The following ANKRD12 variants were observed in gnomAD, a reference collection of about 807,000 sequenced individuals.
The protein encoded by ANKRD12 is ankyrin repeat domain 12.
In ANKRD12, 85 loss-of-function variants were observed where a neutral mutation model predicts 183.4. That is an observed-to-expected ratio of 0.46 (90% CI 0.39 to 0.56). The LOEUF is 0.56. Ranked by LOEUF, ANKRD12 falls within the 20% of genes least tolerant of loss-of-function variation. ANKRD12 has a pLI of 0.00. For missense variants in ANKRD12, 2,405 were observed against 2,357.1 expected (o/e 1.02, Z -0.42); for synonymous variants, 914 against 800.2 (o/e 1.14, Z -2.40).
rs923575686 is a variant in ANKRD12, at chr18:9,165,466, G to A, written c.-51-16916G>A. ...CACTGTTCTTCATCAGAATGTTTTC[G>A]TCATCCCAAGCTGAAACTTCATACC... On this transcript the variant is annotated intron_variant, in intron 1 of 12. Coordinates refer to ENST00000262126, the MANE Select transcript of ANKRD12 (RefSeq NM_015208.5). Among the ~76,000 whole-genome samples, 5 of 151,988 alleles carry A rather than the reference G, an allele frequency of 3.3e-5. No individual in the cohort carries two copies. In the South Asian group the frequency reaches 6.2e-4, roughly 19 times the overall value.
chr18:9,167,779 C>T (rs190554189), intron 1 of ANKRD12, among the ~76,000 whole-genome samples: 2 of 152,290 alleles, frequency 1.3e-5, no homozygotes, highest in African/African-American at 4.8e-5. Flanking sequence ...TGAGGGAGGG[C>T]ATCTCTGTCT....
chr18:9,201,079 C>T (rs773242073), intron 3 of ANKRD12, among the ~76,000 whole-genome samples: 18 of 152,128 alleles, frequency 1.2e-4, no homozygotes, highest in Non-Finnish European at 2.6e-4. Flanking sequence ...CTAGTTGCAG[C>T]GGAGTCTGAA....
intron 1 of ANKRD12, among the ~76,000 whole-genome samples, chr18:9,171,265 G>A (rs897385787): frequency 5.9e-5 from 9 of 152,286 alleles, no homozygotes; most frequent in Middle Eastern, 3.4e-3. Flanking sequence ...CGTCTTCTGC[G>A]TCGCTGATGC....
rs182815058 is a variant in ANKRD12 at position 9,200,628 on chromosome 18, A to C, written c.236-3848A>C. On this transcript the variant is annotated intron_variant, in intron 3 of 12. Coordinates refer to ENST00000262126, the MANE Select transcript of ANKRD12 (RefSeq NM_015208.5). Reference sequence around the variant, plus strand: ...CTAAGCCCCCTACGAGCACTGGCCCAGTAATTAGACTTCTTTGTAAGTCCC... The same window carrying C: ...CTAAGCCCCCTACGAGCACTGGCCCCGTAATTAGACTTCTTTGTAAGTCCC... The C allele has an allele frequency of 1.6e-4, 24 of 152,338 alleles. No homozygotes were observed. The East Asian group carries it at 4.4e-3, about 28-fold the overall frequency. The allele number at this position is 152,338 out of a possible 1,614,324, so 9.4% of individuals were successfully genotyped here. A position where few individuals can be genotyped will look rare whatever the true frequency, so the allele number is the denominator to read the frequency against.
chr18:9,277,954 T>G (rs1316160160), intron 11 of ANKRD12, among the ~76,000 whole-genome samples: 1 of 152,200 alleles, frequency 6.6e-6, no homozygotes, highest in Non-Finnish European at 1.5e-5. Flanking sequence ...ACCACCTGAC[T>G]TTAGATTAAA....
intron 1 of ANKRD12, among the ~76,000 whole-genome samples, chr18:9,155,639 T>C (rs2143658254): frequency 6.6e-6 from 1 of 152,352 alleles, no homozygotes; most frequent in Admixed American, 6.5e-5. Flanking sequence ...TTAATCTTGG[T>C]CAGACTTTTA....
chr18:9,177,704 C>G (rs1363528684), intron 1 of ANKRD12, among the ~76,000 whole-genome samples: 3 of 152,098 alleles, frequency 2.0e-5, no homozygotes, highest in Admixed American at 2.0e-4. Context: ...TGTTTCTACC[C>G]TTTAATCAAC....
Position 9,283,439 on chromosome 18 carries a change from TAAAAG to T in ANKRD12, c.*2319_*2323del, listed in dbSNP as rs1182188456. The T allele has an allele frequency of 2.0e-5, 3 of 152,224 alleles. No homozygotes were observed. The highest frequency in any genetic ancestry group is 4.4e-5 in the Non-Finnish European group (3 of 68,026). 9.4% of individuals were successfully genotyped at this position (152,224 alleles called of 1,614,324 possible). ...AAGAGACTCAAAGCTAATGATAGCT[TAAAAG>T]AAAAGTTAATGCCTTCTCATTGGAA... On this transcript the variant is annotated 3_prime_UTR_variant, in exon 13 of 13. Transcript: ENST00000262126.
intron 8 of ANKRD12, among the ~76,000 whole-genome samples, chr18:9,237,969 A>G (rs2037443595): frequency 6.6e-6 from 1 of 152,224 alleles, no homozygotes; most frequent in South Asian, 2.1e-4. Context: ...TTCTTAAGGT[A>G]CATTGTAGAC....
At chr18:9,172,810 G>A (rs1159381565) in intron 1 of ANKRD12, among the ~76,000 whole-genome samples, 1 of 152,042 alleles carries the variant, frequency 6.6e-6, no homozygotes, top group Non-Finnish European at 1.5e-5. Context: ...GGCTTTTTGA[G>A]TTTTCAGCGT....
rs1211848634 is a variant in ANKRD12, at chr18:9,166,936, G to A, written c.-51-15446G>A. Reference sequence around the variant, plus strand: ...ATCCAGTTTCAGCTTCCTACATATGGCTAGCCAGTTTTCCCAGCACCATTT... The same window carrying A: ...ATCCAGTTTCAGCTTCCTACATATGACTAGCCAGTTTTCCCAGCACCATTT... On this transcript the variant is annotated intron_variant, in intron 1 of 12. Transcript: ENST00000262126. Among the ~76,000 whole-genome samples the A allele has an allele frequency of 2.6e-5, 4 of 152,220 alleles. No individual in the cohort carries two copies. The East Asian group carries it at 7.7e-4, about 29-fold the overall frequency.
intron 8 of ANKRD12, among the ~76,000 whole-genome samples, chr18:9,224,585 T>C (rs549164670): frequency 6.6e-6 from 1 of 152,248 alleles, no homozygotes; most frequent in East Asian, 1.9e-4. Flanking sequence ...GTTGGTGAGC[T>C]TGGAGTGAAG....
At chr18:9,244,157 G>A (rs1485698240) in intron 8 of ANKRD12, among the ~76,000 whole-genome samples, 3 of 152,072 alleles carry the variant, frequency 2.0e-5, no homozygotes, top group African/African-American at 7.2e-5. Context: ...GAATGAAAGT[G>A]TCTCTTAACT....
chr18:9,280,088 T>C (rs1330300319), intron 12 of ANKRD12, among the ~76,000 whole-genome samples: 1 of 152,214 alleles, frequency 6.6e-6, no homozygotes, highest in Non-Finnish European at 1.5e-5. Flanking sequence ...TTAAAATCTA[T>C]AACAGCAGTC....
chr18:9,179,130 A>G (rs117826901), intron 1 of ANKRD12, among the ~76,000 whole-genome samples: 5,457 of 152,284 alleles, frequency 0.036, 137 homozygotes, highest in Middle Eastern at 0.12. Flanking sequence ...CATGTATTCT[A>G]TGTCCTTCCT....
intron 5 of ANKRD12, 150 bp downstream of exon 5, chr18:9,208,953 T>TA: frequency 1.2e-6 from 1 of 818,640 alleles, no homozygotes; most frequent in Non-Finnish European, 1.8e-6. Context: ...AATTTTATGA[T>TA]TATTTGTGTG....
At chr18:9,167,591 T>A (rs2032215521) in intron 1 of ANKRD12, among the ~76,000 whole-genome samples, 1 of 152,246 alleles carries the variant, frequency 6.6e-6, no homozygotes, top group Admixed American at 6.5e-5. Flanking sequence ...TTGCTGAAGT[T>A]GCTTATCAGC....
At chr18:9,280,242 G>A (rs1358910375) in intron 12 of ANKRD12, among the ~76,000 whole-genome samples, 1 of 152,040 alleles carries the variant, frequency 6.6e-6, no homozygotes, top group East Asian at 1.9e-4. Context: ...TAGAACCCTC[G>A]CATGTGCAGT....
At chr18:9,149,791 A>ATTTATTTATTTATTT (rs776328260) in intron 1 of ANKRD12, among the ~76,000 whole-genome samples, 5 of 146,426 alleles carry the variant, frequency 3.4e-5, no homozygotes, top group East Asian at 4.0e-4. Flanking sequence ...TTTATTTATT[A>ATTTATTTATTTATTT]AATTTTATTT....
Sources: gnomAD v4.1 joint callset for allele counts (sites outside exome capture counted in the v4.1 genomes callset) on GRCh38, gnomAD v4.1.1 for gene constraint, MANE v1.5 for transcripts, NCBI Gene and HGNC (gene_info 2026-07-23, HGNC 2026-07-21) for gene names.